ATG3: variants seen among roughly 807,000 people sequenced by gnomAD.
ATG3 encodes autophagy related 3, also known as ubiquitin-like-conjugating enzyme ATG3.
A neutral mutation model predicts 50.7 loss-of-function variants in ATG3; 25 were observed. The ratio of observed to expected loss-of-function variants is 0.49; its 90% CI spans 0.36 to 0.69. The LOEUF is 0.69. Among genes scored for constraint, ATG3 ranks in the 30% least tolerant of loss-of-function variants. The pLI, the probability that ATG3 is intolerant of heterozygous loss-of-function variation, is 0.00. For missense variants in ATG3, 281 were observed against 376.0 expected (o/e 0.75, Z 2.09); for synonymous variants, 119 against 125.5 (o/e 0.95, Z 0.34).
intron 10 of ATG3, chr3:112,535,482 C>CT (rs1284467478): frequency 1.3e-5 from 2 of 152,080 alleles, no homozygotes; most frequent in African/African-American, 2.4e-5. Flanking sequence ...AAGCACCATC[C>CT]TAAGACCTTA....
At chr3:112,557,573 G>A (rs370533162) in intron 2 of ATG3, among the ~76,000 whole-genome samples, 3 of 151,978 alleles carry the variant, frequency 2.0e-5, no homozygotes, top group South Asian at 2.1e-4. Context: ...AGCCAAGATC[G>A]CGCCACTGTG....
intron 4 of ATG3, 116 bp from the exon 5 acceptor site, chr3:112,548,756 G>A: frequency 2.5e-6 from 2 of 786,994 alleles, no homozygotes; most frequent in East Asian, 2.7e-5. Flanking sequence ...AAAGTACTAA[G>A]TGAATATTTC....
chr3:112,536,323 CAAG>C, intron 10 of ATG3, 149 bp downstream of exon 10: 1 of 848,036 alleles, frequency 1.2e-6, no homozygotes, highest in Non-Finnish European at 1.7e-6. Flanking sequence ...TATTTAAGCA[CAAG>C]AAAATTTCTA....
chr3:112,532,547 G>T lies in ATG3; in HGVS notation c.*152C>A. On this transcript the variant is annotated 3_prime_UTR_variant, in exon 12 of 12. Transcript: ENST00000283290. Reference sequence around the variant, plus strand: ...GATTTTTATTAAACAAGTAAGGCTGGTAGTGGAACATATTTTTATTTAATG... The same window carrying T: ...GATTTTTATTAAACAAGTAAGGCTGTTAGTGGAACATATTTTTATTTAATG... 2.2e-6 allele frequency: 1 copy of T among 459,882 alleles called. No homozygotes were observed. Among genetic ancestry groups the T allele is most frequent in the Non-Finnish European group, 3.6e-6 (1 of 279,704 alleles). The allele number at this position is 459,882 out of a possible 1,614,324, so 28.5% of individuals were successfully genotyped here. A position where few individuals can be genotyped will look rare whatever the true frequency, so the allele number is the denominator to read the frequency against.
At chr3:112,553,689 G>A (rs779702004) in intron 2 of ATG3, among the ~76,000 whole-genome samples, 2 of 152,050 alleles carry the variant, frequency 1.3e-5, no homozygotes, top group Non-Finnish European at 2.9e-5. Context: ...CCATTTTAAG[G>A]ATACAAAAAT....
At chr3:112,543,274 T>C (rs1439370326) in intron 6 of ATG3, among the ~76,000 whole-genome samples, 1 of 152,124 alleles carries the variant, frequency 6.6e-6, no homozygotes, top group Non-Finnish European at 1.5e-5. Context: ...GAAAGCATTT[T>C]ATATTATTTT....
intron 6 of ATG3, among the ~76,000 whole-genome samples, chr3:112,543,079 T>C (rs1296230978): frequency 6.6e-6 from 1 of 151,946 alleles, no homozygotes; most frequent in Non-Finnish European, 1.5e-5. Context: ...CTTGTCTTCG[T>C]TTCTATCACT....
chr3:112,558,752 T>A (rs1230365637), intron 1 of ATG3, among the ~76,000 whole-genome samples: 1 of 152,086 alleles, frequency 6.6e-6, no homozygotes, highest in Non-Finnish European at 1.5e-5. Context: ...TTTTTTTTTT[T>A]TAAGATGGAG....
At chr3:112,543,234 G>C (rs748668197) in intron 6 of ATG3, among the ~76,000 whole-genome samples, 1 of 152,000 alleles carries the variant, frequency 6.6e-6, no homozygotes, top group Non-Finnish European at 1.5e-5. Context: ...TAAGTGATTT[G>C]ATGGTTAAAA....
At chr3:112,555,313 G>A (rs527339797) in intron 2 of ATG3, among the ~76,000 whole-genome samples, 1 of 152,268 alleles carries the variant, frequency 6.6e-6, no homozygotes, top group East Asian at 1.9e-4. Context: ...AATGATGCAA[G>A]ATTCAAATTT....
chr3:112,550,062 T>C, intron 4 of ATG3, 130 bp downstream of exon 4: 1 of 601,736 alleles, frequency 1.7e-6, no homozygotes, highest in Non-Finnish European at 2.8e-6. Flanking sequence ...CTATATGTTT[T>C]TGGCAAAAAG....
chr3:112,558,670 G>A (rs1933753691), intron 1 of ATG3, among the ~76,000 whole-genome samples: 3 of 151,794 alleles, frequency 2.0e-5, no homozygotes, highest in African/African-American at 7.3e-5. Context: ...GTAGGAAACA[G>A]ACATGAAAAT....
intron 1 of ATG3, among the ~76,000 whole-genome samples, chr3:112,559,047 T>C (rs1933765752): frequency 1.3e-5 from 2 of 152,208 alleles, no homozygotes; most frequent in Non-Finnish European, 2.9e-5. Flanking sequence ...CCAAGCTCTA[T>C]GTACAAACAT....
chr3:112,559,587 C>A (rs1933783194), intron 1 of ATG3, among the ~76,000 whole-genome samples: 1 of 152,110 alleles, frequency 6.6e-6, no homozygotes, highest in Non-Finnish European at 1.5e-5. Context: ...GGTAAGAGAA[C>A]AAAGACTTCA....
intron 5 of ATG3, among the ~76,000 whole-genome samples, chr3:112,545,364 G>GT (rs1279850025): frequency 6.6e-6 from 1 of 152,152 alleles, no homozygotes; most frequent in East Asian, 1.9e-4. Flanking sequence ...TAACAAAATA[G>GT]TTTAACAAGA....
At chr3:112,560,793 C>T (rs1377358051) in intron 1 of ATG3, among the ~76,000 whole-genome samples, 5 of 152,240 alleles carry the variant, frequency 3.3e-5, no homozygotes, top group African/African-American at 1.2e-4. Flanking sequence ...AAATGCTGTA[C>T]TGTTGCCAAT....
chr3:112,552,739 C>T (rs557111380), intron 3 of ATG3, among the ~76,000 whole-genome samples: 4 of 151,694 alleles, frequency 2.6e-5, no homozygotes, highest in African/African-American at 7.3e-5. Context: ...CAAGCTCCAC[C>T]TCCCAGGTTC....
intron 4 of ATG3, 102 bp downstream of exon 4, chr3:112,550,090 G>C: frequency 1.3e-6 from 1 of 779,260 alleles, no homozygotes; most frequent in Non-Finnish European, 2.0e-6. Flanking sequence ...AGAAAGAGGT[G>C]ATAAAACTAA....
intron 2 of ATG3, among the ~76,000 whole-genome samples, chr3:112,554,041 C>A (rs932554530): frequency 6.6e-6 from 1 of 152,134 alleles, no homozygotes; most frequent in Non-Finnish European, 1.5e-5. Context: ...AAATAAAAAC[C>A]AGATTCAGGG....
Sources: allele counts gnomAD v4.1 joint callset (sites outside exome capture counted in the v4.1 genomes callset), GRCh38; gene constraint gnomAD v4.1.1; transcripts MANE v1.5; gene names NCBI Gene and HGNC (gene_info 2026-07-23, HGNC 2026-07-21).